LATS2: variants seen among roughly 807,000 people sequenced by gnomAD.
LATS2 encodes the protein large tumor suppressor kinase 2.
LATS2 carries 24 observed loss-of-function variants against 76.0 expected under a neutral mutation model. That is an observed-to-expected ratio of 0.32 (90% confidence interval 0.23 to 0.44). LATS2 has a LOEUF of 0.44. Ranked by LOEUF, LATS2 falls within the 20% of genes least tolerant of loss-of-function variation. LATS2 has a pLI of 1.00. For synonymous variants in LATS2, 692 were observed against 635.4 expected, an observed-to-expected ratio of 1.09 and a Z score of -1.34; for missense variants, 1,286 against 1,481.2, an observed-to-expected ratio of 0.87 and a Z score of 2.16.
At position 20,988,115 on chromosome 13, in the gene LATS2, G is replaced by C. The variant is rs1008097542; in HGVS notation, c.1665C>G (p.Asp555Glu). The change falls in exon 4 of 8, where the codon GAC becomes GAG. Residue 555 changes from aspartate (D) to glutamate (E), a missense_variant. Around this residue, in one of 5 missense-constraint regions of LATS2, gnomAD observed 710 missense variants for 660.9 expected, o/e 1.07. Transcript: ENST00000382592. Reference sequence around the variant, plus strand: ...CCCCCTTGGCGCTTTTGCGGCTCTTGTCGCCGCCCTCGGGCTCGTTGGGGC... The same window carrying C: ...CCCCCTTGGCGCTTTTGCGGCTCTTCTCGCCGCCCTCGGGCTCGTTGGGGC... ...RAGPNEPEGG[D>E]KSRKSAKGDK... The C allele has an allele frequency of 1.2e-6, 2 of 1,614,118 alleles. No homozygotes were observed. Among genetic ancestry groups the C allele is most frequent in the East Asian group, 4.5e-5 (2 of 44,882 alleles).
intron 1 of LATS2, among the ~76,000 whole-genome samples, chr13:21,058,780 A>C (rs1873529876): frequency 6.6e-6 from 1 of 152,252 alleles, no homozygotes; most frequent in Non-Finnish European, 1.5e-5. Context: ...TGGTATATTC[A>C]TTACACTATT....
chr13:21,046,152 T>C lies in LATS2; in HGVS notation c.-126A>G, dbSNP rs927921104. On this transcript the variant is annotated 5_prime_UTR_variant, in exon 2 of 8. Coordinates refer to ENST00000382592, the MANE Select transcript of LATS2 (RefSeq NM_014572.3). ...TTTCAAAATAATTTCCTTTTGAAAA[T>C]GTTCTTTCCTTCCATTTTTGTAGTT... 1.3e-6 allele frequency: 1 copy of C among 753,088 alleles called. No individual in the cohort carries two copies. The highest frequency in any genetic ancestry group is 1.8e-5 in the African/African-American group (1 of 56,914). The allele number at this position is 753,088 out of a possible 1,614,324, so 46.7% of individuals were successfully genotyped here.
At chr13:20,981,805 T>C (rs763154528) in intron 5 of LATS2, among the ~76,000 whole-genome samples, 157 bp from the exon 6 acceptor site, 32 of 152,188 alleles carry the variant, frequency 2.1e-4, no homozygotes, top group Non-Finnish European at 3.8e-4. Context: ...AGCTGCTCCA[T>C]AGGGGCAGCC....
At chr13:21,007,621 AGT>A (rs1871354211) in intron 2 of LATS2, among the ~76,000 whole-genome samples, 4 of 610 alleles carry the variant, frequency 6.6e-3, no homozygotes, top group African/African-American at 0.015. Flanking sequence ...ATATATATAT[AGT>A]GTATATATAT....
chr13:20,984,662 A>G (rs933971644), intron 4 of LATS2, among the ~76,000 whole-genome samples: 1 of 152,228 alleles, frequency 6.6e-6, no homozygotes, highest in African/African-American at 2.4e-5. Flanking sequence ...AACACTGAAG[A>G]AAGAAACTAA....
At chr13:20,995,204 G>A (rs576369571) in intron 2 of LATS2, among the ~76,000 whole-genome samples, 27 of 151,720 alleles carry the variant, frequency 1.8e-4, no homozygotes, top group Non-Finnish European at 2.8e-4. Context: ...TGTGTTTCTG[G>A]GAAAAAAAAA....
At chr13:21,039,411 A>G (rs1170387232) in intron 2 of LATS2, among the ~76,000 whole-genome samples, 1 of 152,220 alleles carries the variant, frequency 6.6e-6, no homozygotes, top group Non-Finnish European at 1.5e-5. Flanking sequence ...CTGTGGCAGG[A>G]TCTTGTCACC....
chr13:21,038,068 C>A (rs1219709679), intron 2 of LATS2, among the ~76,000 whole-genome samples: 1 of 152,118 alleles, frequency 6.6e-6, no homozygotes, highest in Admixed American at 6.6e-5. Context: ...ATCATGCCAC[C>A]ACACTCCAGT....
chr13:21,053,234 A>C (rs1873338786), intron 1 of LATS2, among the ~76,000 whole-genome samples: 1 of 70,662 alleles, frequency 1.4e-5, no homozygotes, highest in East Asian at 6.3e-4. Context: ...ACTCTGTCTC[A>C]AAAAAAAAAA....
intron 2 of LATS2, among the ~76,000 whole-genome samples, chr13:21,044,744 A>C (rs1268135926): frequency 1.5e-5 from 2 of 133,244 alleles, no homozygotes; most frequent in South Asian, 4.7e-4. Flanking sequence ...GTGTGTTTTA[A>C]ATAGAGATAG....
rs1224679277 is a variant in LATS2, at chr13:20,988,040, G to A, written c.1740C>T (p.Val580=). 3.1e-6 allele frequency: 5 copies of A among 1,614,132 alleles called. No individual in the cohort carries two copies. The highest frequency in any genetic ancestry group is 3.4e-6 in the Non-Finnish European group (4 of 1,180,052). ...KKQIQTSPVP[V]RKNSRDEEKR... ...TCTCTTCGTCTCTGCTGTTTTTGCG[G>A]ACGGGAACGGGAGAGGTCTGAATCT... The change falls in exon 4 of 8, where the codon GTC becomes GTT. Residue 580 remains valine (V), a synonymous_variant. Transcript: ENST00000382592.
chr13:21,026,621 T>C (rs1195298074), intron 2 of LATS2, among the ~76,000 whole-genome samples: 2 of 152,196 alleles, frequency 1.3e-5, no homozygotes, highest in African/African-American at 4.8e-5. Context: ...AGTAGATATA[T>C]AGGAGAGGAA....
intron 2 of LATS2, among the ~76,000 whole-genome samples, chr13:21,020,980 G>C (rs1595239962): frequency 6.6e-6 from 1 of 152,126 alleles, no homozygotes. Flanking sequence ...AGGTGTCCTT[G>C]ATTCTTCAAA....
rs1190654134 is a variant in LATS2, at chr13:20,991,625, T to C, written c.343-221A>G. Among the ~76,000 whole-genome samples the C allele has an allele frequency of 6.6e-6, 1 of 152,132 alleles. No individual in the cohort carries two copies. The highest frequency in any genetic ancestry group is 1.5e-5 in the Non-Finnish European group (1 of 68,026). ...CTAGCACAAGCCACACCATAGACTA[T>C]TTAGCCTTATGTCAAGGACATATGG... On this transcript the variant is annotated intron_variant, in intron 2 of 7. Transcript: ENST00000382592. This position sits in a 1 kb window ranked among gnomAD's most constrained non-coding sequence, Gnocchi z 4.9.
intron 1 of LATS2, among the ~76,000 whole-genome samples, chr13:21,049,865 A>T (rs1186526634): frequency 6.6e-6 from 1 of 152,070 alleles, no homozygotes; most frequent in Non-Finnish European, 1.5e-5. Context: ...TCATGCCTAT[A>T]ATCCCAGCTC....
Position 20,983,633 on chromosome 13 carries a change from G to C in LATS2, c.2073C>G (p.His691Gln), listed in dbSNP as rs775335330. Reference sequence around the variant, plus strand: ...TTAGGGTCTTCATGGCGTACAGGGCGTGAGTGTCCACCTTACAAGCAAGGC... The same window carrying C: ...TTAGGGTCTTCATGGCGTACAGGGCCTGAGTGTCCACCTTACAAGCAAGGC... ...EVCLACKVDT[H>Q]ALYAMKTLRK... Residue 691 changes from histidine to glutamine, a missense_variant, in exon 5 of 8, where the codon CAC becomes CAG. Around this residue, in one of 5 missense-constraint regions of LATS2, gnomAD observed 247 missense variants for 385.4 expected, o/e 0.64. Transcript: ENST00000382592. The C allele has an allele frequency of 2.2e-5, 36 of 1,614,006 alleles. No homozygotes were observed. In the African/African-American group the frequency reaches 4.0e-4, roughly 18 times the overall value.
At chr13:21,047,420 C>T (rs1595256322) in intron 1 of LATS2, among the ~76,000 whole-genome samples, 1 of 152,304 alleles carries the variant, frequency 6.6e-6, no homozygotes, top group African/African-American at 2.4e-5. Context: ...CTGCTCTAAC[C>T]CAGGGAAGGT....
In LATS2 at chr13:20,988,566, C is replaced by A; in HGVS notation, c.1214G>T (p.Arg405Met). 6.3e-7 allele frequency: 1 copy of A among 1,585,694 alleles called. No homozygotes were observed. Among genetic ancestry groups the A allele is most frequent in the Admixed American group, 1.7e-5 (1 of 58,046 alleles). Residue 405 changes from arginine (R) to methionine (M), a missense_variant, in exon 4 of 8, where the codon AGG (arginine) becomes ATG (methionine). This residue lies in a region of LATS2 where 710 missense variants were observed against 660.9 expected (regional missense o/e 1.07). Transcript: ENST00000382592. ...CTGGTGGCTGTTGAAGGAGTTGGTC[C>A]TGCTGGGCACTGGGCAGTCAGGCCG... is the stretch of plus-strand genomic sequence containing the variant. ...AFRPDCPVPS[R>M]TNSFNSHQPR...
rs1339357254 is a variant in LATS2, at chr13:20,987,863, A to G, written c.1899+18T>C. On this transcript the variant is annotated intron_variant, in intron 4 of 7. Transcript: ENST00000382592. ...GGATGAGCCGGGAACAAATAGTAAA[A>G]ATGAAGTGTGAAATTACTTTGGCCA... 1.7e-5 allele frequency: 27 copies of G among 1,607,392 alleles called. No individual in the cohort carries two copies. The Admixed American group carries it at 4.5e-4, about 27-fold the overall frequency.
Sources: allele counts gnomAD v4.1 joint callset (sites outside exome capture counted in the v4.1 genomes callset), GRCh38; gene constraint gnomAD v4.1.1; regional missense constraint gnomAD v4.1.1; non-coding constraint Gnocchi (gnomAD v3.1); transcripts MANE v1.5; gene names NCBI Gene and HGNC (gene_info 2026-07-23, HGNC 2026-07-21).